Variants in SGIP1 observed in about 807,000 individuals in gnomAD.
SGIP1 encodes SH3-containing GRB2-like protein 3-interacting protein 1.
SGIP1 carries 38 observed loss-of-function variants against 107.5 expected under a neutral mutation model. The observed-to-expected ratio is 0.35, with a 90% CI of 0.27 to 0.46. The LOEUF is 0.46. Ranked by LOEUF, SGIP1 falls within the 20% of genes least tolerant of loss-of-function variation. The probability of loss-of-function intolerance (pLI) is 1.00; values close to 1 mark genes in which losing one functional copy is unlikely to be tolerated. For missense variants in SGIP1, 929 were observed against 1,019.5 expected, an observed-to-expected ratio of 0.91 and a Z score of 1.21; for synonymous variants, 365 against 366.1, an observed-to-expected ratio of 1.00 and a Z score of 0.03.
At chr1:66,574,810 G>GTATATGTGTGTGCACGCACA (rs2060837471) in intron 1 of SGIP1, among the ~76,000 whole-genome samples, 1 of 151,922 alleles carries the variant, frequency 6.6e-6, no homozygotes, top group Non-Finnish European at 1.5e-5. Context: ...GTGCACGCAC[G>GTATATGTGTGTGCACGCACA]CACATGTATA....
At chr1:66,711,626 T>C (rs1430576555) in intron 18 of SGIP1, among the ~76,000 whole-genome samples, 2 of 152,146 alleles carry the variant, frequency 1.3e-5, no homozygotes, top group Non-Finnish European at 2.9e-5. Context: ...TTCTGATGTC[T>C]CCATCTGTTG....
chr1:66,550,208 T>G (rs6665160), intron 1 of SGIP1, among the ~76,000 whole-genome samples: 1 of 152,184 alleles, frequency 6.6e-6, no homozygotes, highest in Non-Finnish European at 1.5e-5. Context: ...CCAAAGGCTG[T>G]GAAATTATGG....
Position 66,591,946 on chromosome 1 carries a change from A to G in SGIP1, c.11-33901A>G, listed in dbSNP as rs528130724. Among the ~76,000 whole-genome samples, 6 of 152,298 alleles carry G rather than the reference A, an allele frequency of 3.9e-5. No homozygotes were observed. The South Asian group carries it at 1.2e-3, about 32-fold the overall frequency. On this transcript the variant is annotated intron_variant, in intron 1 of 24. Coordinates refer to ENST00000371037, the MANE Select transcript of SGIP1 (RefSeq NM_032291.4). ...ACATTTTAGTGCAGTAAAGAGCAGT[A>G]TTGCCACCAGCATGTCTCACCTCCA...
chr1:66,560,102 C>T (rs1254685479), intron 1 of SGIP1, among the ~76,000 whole-genome samples: 1 of 152,014 alleles, frequency 6.6e-6, no homozygotes, highest in Admixed American at 6.6e-5. Context: ...CATCACAGAT[C>T]TGCAGCAGAG....
rs2094541665 is a variant in SGIP1, at chr1:66,745,610, T to C, written c.*2515T>C. The C allele has an allele frequency of 6.6e-6, 1 of 152,136 alleles. No individual in the cohort carries two copies. Among genetic ancestry groups the C allele is most frequent in the Non-Finnish European group, 1.5e-5 (1 of 67,944 alleles). 9.4% of individuals were successfully genotyped at this position (152,136 alleles called of 1,614,324 possible). On this transcript the variant is annotated 3_prime_UTR_variant, in exon 25 of 25. Transcript: ENST00000371037. Reference sequence around the variant, plus strand: ...TTAAGTCAGATTCATTTATTCATTTTATTCCCAAGTCAGAACAAAATGAAC... The same window carrying C: ...TTAAGTCAGATTCATTTATTCATTTCATTCCCAAGTCAGAACAAAATGAAC...
Position 66,679,715 on chromosome 1 carries a change from C to T in SGIP1, c.777C>T (p.Thr259=), listed in dbSNP as rs2086224580. 6.2e-7 allele frequency: 1 copy of T among 1,606,144 alleles called. No homozygotes were observed. The highest frequency in any genetic ancestry group is 2.3e-5 in the East Asian group (1 of 44,058). ...PPLPPKNVPA[T]PPRTGSPLTI... Reference sequence around the variant, plus strand: ...TGCCTCCAAAAAATGTACCAGCTACCCCACCCCGAACAGGATCCCCCTTAA... The same window carrying T: ...TGCCTCCAAAAAATGTACCAGCTACTCCACCCCGAACAGGATCCCCCTTAA... Residue 259 remains threonine, a synonymous_variant, in exon 14 of 25, where the codon ACC becomes ACT. Transcript: ENST00000371037.
intron 5 of SGIP1, among the ~76,000 whole-genome samples, chr1:66,641,804 C>T (rs1558177812): frequency 6.6e-6 from 1 of 151,878 alleles, no homozygotes; most frequent in Non-Finnish European, 1.5e-5. Context: ...AGAATTAGTT[C>T]AACTGGGAGT....
chr1:66,647,112 C>A (rs571822746), intron 7 of SGIP1, among the ~76,000 whole-genome samples: 1 of 152,248 alleles, frequency 6.6e-6, no homozygotes, highest in South Asian at 2.1e-4. Flanking sequence ...TAGGTGGTTT[C>A]TTTCTCTCCC....
intron 1 of SGIP1, among the ~76,000 whole-genome samples, chr1:66,563,550 G>A (rs914549051): frequency 2.6e-5 from 4 of 152,034 alleles, no homozygotes; most frequent in African/African-American, 9.7e-5. Context: ...GGAAGACTGT[G>A]CTTTGATGAT....
chr1:66,627,323 C>G (rs1204744621), intron 2 of SGIP1, among the ~76,000 whole-genome samples: 7 of 152,014 alleles, frequency 4.6e-5, no homozygotes, highest in Non-Finnish European at 1.0e-4. Flanking sequence ...AAGGGAACAA[C>G]AAAAGCAAAA....
At chr1:66,632,402 T>C (rs1251774512) in intron 2 of SGIP1, among the ~76,000 whole-genome samples, 1 of 152,148 alleles carries the variant, frequency 6.6e-6, no homozygotes, top group Admixed American at 6.6e-5. Context: ...TGGAGGAAAG[T>C]ACCAATTCTC....
intron 8 of SGIP1, among the ~76,000 whole-genome samples, chr1:66,660,806 C>A (rs1396509468): frequency 6.6e-6 from 1 of 152,128 alleles, no homozygotes; most frequent in Non-Finnish European, 1.5e-5. Flanking sequence ...ATTTTTGGTA[C>A]TAAGTTTCAT....
At chr1:66,624,007 G>C (rs1210658267) in intron 1 of SGIP1, among the ~76,000 whole-genome samples, 2 of 152,204 alleles carry the variant, frequency 1.3e-5, no homozygotes, top group African/African-American at 4.8e-5. Context: ...TTAATACAAA[G>C]AGTACTGGAA....
chr1:66,629,052 T>C (rs527628718), intron 2 of SGIP1, among the ~76,000 whole-genome samples: 4 of 152,296 alleles, frequency 2.6e-5, no homozygotes, highest in African/African-American at 9.6e-5. Flanking sequence ...TGCAAAGGGG[T>C]TGGGAAAGCA....
chr1:66,627,410 A>T (rs2073118718), intron 2 of SGIP1, among the ~76,000 whole-genome samples: 1 of 152,158 alleles, frequency 6.6e-6, no homozygotes, highest in Admixed American at 6.6e-5. Context: ...GGTTACAGGT[A>T]AATGTGATAA....
chr1:66,549,183 C>A (rs2057010188), intron 1 of SGIP1, among the ~76,000 whole-genome samples: 1 of 151,368 alleles, frequency 6.6e-6, no homozygotes, highest in Non-Finnish European at 1.5e-5. Context: ...TCCTTCCTTC[C>A]TTCCTTCCTT....
intron 1 of SGIP1, among the ~76,000 whole-genome samples, chr1:66,578,199 G>T (rs1203665187): frequency 6.6e-6 from 1 of 152,118 alleles, no homozygotes; most frequent in Non-Finnish European, 1.5e-5. Context: ...AGAGTCACAT[G>T]GGAGCTCCTA....
chr1:66,566,302 T>C (rs1295555446), intron 1 of SGIP1, among the ~76,000 whole-genome samples: 1 of 152,030 alleles, frequency 6.6e-6, no homozygotes, highest in Non-Finnish European at 1.5e-5. Context: ...GGCCATCAAC[T>C]TTCTTAGGCA....
chr1:66,696,792 G>A (rs1003483887), intron 18 of SGIP1, among the ~76,000 whole-genome samples: 1 of 152,162 alleles, frequency 6.6e-6, no homozygotes, highest in Non-Finnish European at 1.5e-5. Flanking sequence ...CATTAATTTT[G>A]TGATAACCAA....
Sources: allele counts gnomAD v4.1 joint callset (sites outside exome capture counted in the v4.1 genomes callset), GRCh38; gene constraint gnomAD v4.1.1; transcripts MANE v1.5; gene names NCBI Gene and HGNC (gene_info 2026-07-23, HGNC 2026-07-21).